Variants in EML5 observed in about 807,000 individuals in gnomAD.
The protein encoded by EML5 is echinoderm microtubule-associated protein-like 5.
EML5 carries 120 observed loss-of-function variants against 250.0 expected under a neutral mutation model. The ratio of observed to expected loss-of-function variants is 0.48; its 90% confidence interval spans 0.41 to 0.56. The LOEUF (loss-of-function observed/expected upper bound fraction) is 0.56. EML5 is among the 20% of genes least tolerant of loss of function. The pLI is 0.00. For missense variants in EML5, 2,006 were observed against 2,437.6 expected (o/e 0.82, Z 3.73); for synonymous variants, 771 against 806.5 (o/e 0.96, Z 0.75).
Position 88,649,926 on chromosome 14 carries a change from C to T in EML5, c.4005G>A (p.Arg1335=). The change falls in exon 28 of 44, where the codon AGG becomes AGA. Residue 1335 remains arginine (R), a splice_region_variant and synonymous_variant. Transcript: ENST00000554922. ...LQQKEPSIDE[R]QGVVRGSRPP... is the part of the protein sequence containing the mutation. ...AAAACACTTACCTTACTACTCCCTG[C>T]CTTCAAAAGGAGCAAGGGGGAAAAA... 1.3e-6 allele frequency: 2 copies of T among 1,482,890 alleles called. No individual in the cohort carries two copies. Among genetic ancestry groups the T allele is most frequent in the Non-Finnish European group, 1.8e-6 (2 of 1,116,240 alleles). The allele number at this position is 1,482,890 out of a possible 1,614,324, so 91.9% of individuals were successfully genotyped here.
chr14:88,647,069 T>C (rs1762084395), intron 28 of EML5, 114 bp from the exon 29 acceptor site: 1 of 913,468 alleles, frequency 1.1e-6, no homozygotes, highest in Non-Finnish European at 1.6e-6. Flanking sequence ...CAGACAGCTA[T>C]ATTGCATAAT....
chr14:88,737,806 C>T (rs984668087), intron 6 of EML5, among the ~76,000 whole-genome samples: 14 of 152,314 alleles, frequency 9.2e-5, no homozygotes, highest in African/African-American at 3.1e-4. Context: ...TGTCTACTTG[C>T]TCAGCCAGTC....
intron 5 of EML5, among the ~76,000 whole-genome samples, chr14:88,739,420 C>T (rs960264452): frequency 1.3e-5 from 2 of 151,856 alleles, no homozygotes; most frequent in African/African-American, 4.8e-5. Context: ...CCAATCCCCC[C>T]CAAAATATCA....
intron 14 of EML5, 90 bp from the exon 15 acceptor site, chr14:88,697,042 C>A: frequency 1.2e-6 from 1 of 824,128 alleles, no homozygotes; most frequent in Non-Finnish European, 1.7e-6. Context: ...ATTTTTACAG[C>A]TTGACTTATT....
intron 6 of EML5, 86 bp downstream of exon 6, chr14:88,738,793 C>T (rs1197073732): frequency 2.4e-5 from 34 of 1,414,578 alleles, no homozygotes; most frequent in Non-Finnish European, 2.9e-5. Context: ...ATTTACAAAA[C>T]TTACATTTAT....
At chr14:88,786,215 T>A (rs924277962) in intron 1 of EML5, among the ~76,000 whole-genome samples, 4 of 152,204 alleles carry the variant, frequency 2.6e-5, no homozygotes, top group Admixed American at 2.0e-4. Flanking sequence ...TAAATACCTA[T>A]CTAAACTCTT....
chr14:88,703,702 T>C (rs2093262635), intron 13 of EML5, among the ~76,000 whole-genome samples: 1 of 152,180 alleles, frequency 6.6e-6, no homozygotes, highest in Non-Finnish European at 1.5e-5. Flanking sequence ...TTGGAAAATC[T>C]GTTTCTGCCA....
rs2087210487 is a variant in EML5 at position 88,613,948 on chromosome 14, G to C, written c.*1870C>G. 1 of 152,178 alleles carries C rather than the reference G, an allele frequency of 6.6e-6. No homozygotes were observed. The highest frequency in any genetic ancestry group is 2.4e-5 in the African/African-American group (1 of 41,444). The allele number at this position is 152,178 out of a possible 1,614,324, so 9.4% of individuals were successfully genotyped here. A position where few individuals can be genotyped will look rare whatever the true frequency, so the allele number is the denominator to read the frequency against. ...GACTACTTAGTCAATATGACCTTTA[G>C]TCGTGAAACTGACAGCAGCAGTGAT... is the stretch of plus-strand genomic sequence containing the variant. On this transcript the variant is annotated 3_prime_UTR_variant, in exon 44 of 44. Coordinates refer to ENST00000554922, the MANE Select transcript of EML5 (RefSeq NM_183387.3).
At chr14:88,699,806 T>C (rs2093166231) in intron 14 of EML5, among the ~76,000 whole-genome samples, 2 of 152,132 alleles carry the variant, frequency 1.3e-5, no homozygotes, top group African/African-American at 4.8e-5. Flanking sequence ...ACCAAGTTAA[T>C]ACACTGCTAT....
At chr14:88,706,202 G>T in intron 11 of EML5, 57 bp downstream of exon 11, 1 of 1,443,728 alleles carries the variant, frequency 6.9e-7, no homozygotes, top group South Asian at 1.5e-5. Context: ...TTGTTATTTG[G>T]GGGTTACTGA....
At chr14:88,785,087 GA>G (rs2094537649) in intron 1 of EML5, among the ~76,000 whole-genome samples, 1 of 152,172 alleles carries the variant, frequency 6.6e-6, no homozygotes, top group Admixed American at 6.5e-5. Context: ...GCCAGGCAAA[GA>G]AAGACAAACA....
At chr14:88,632,306 G>A (rs74075842) in intron 33 of EML5, among the ~76,000 whole-genome samples, 3,148 of 152,064 alleles carry the variant, frequency 0.021, 107 homozygotes, top group African/African-American at 0.069. Context: ...CTACTATAAC[G>A]GCCACCTAAT....
At chr14:88,628,946 GTTAT>G (rs920607850) in intron 33 of EML5, among the ~76,000 whole-genome samples, 4 of 151,770 alleles carry the variant, frequency 2.6e-5, no homozygotes, top group East Asian at 1.9e-4. Flanking sequence ...AATAAAATAG[GTTAT>G]TTATGTTTGT....
At chr14:88,663,401 TTAAAGTGTATCTGTTTAAC>T (rs2140967784) in intron 23 of EML5, among the ~76,000 whole-genome samples, 1 of 152,300 alleles carries the variant, frequency 6.6e-6, no homozygotes, top group African/African-American at 2.4e-5. Context: ...AAAATATTTT[TTAAAGTGTATCTGTTTAAC>T]TATATTTAGA....
At chr14:88,670,504 C>T (rs940132076) in intron 21 of EML5, among the ~76,000 whole-genome samples, 2 of 152,008 alleles carry the variant, frequency 1.3e-5, no homozygotes, top group East Asian at 1.9e-4. Flanking sequence ...GCCAGAGTGC[C>T]TCTTCTCCTC....
In EML5 at chr14:88,792,221, GCGGTCA is replaced by G; in HGVS notation, c.197+80_197+85del. Reference sequence around the variant, plus strand: ...CCTCGGGGTGATGCTCCGTGCAGGAGCGGTCACGGCGTCCAGAGGAACCCGCGGGTG... The same window carrying G: ...CCTCGGGGTGATGCTCCGTGCAGGAGCGGCGTCCAGAGGAACCCGCGGGTG... On this transcript the variant is annotated intron_variant, in intron 1 of 43. Transcript: ENST00000554922. The surrounding 1 kb of genome is among the most constrained non-coding windows in gnomAD (Gnocchi z 6.9). 1 of 1,478,486 alleles carries G rather than the reference GCGGTCA, an allele frequency of 6.8e-7. No individual in the cohort carries two copies. Among genetic ancestry groups the G allele is most frequent in the Non-Finnish European group, 9.1e-7 (1 of 1,099,250 alleles). The allele number at this position is 1,478,486 out of a possible 1,614,324, so 91.6% of individuals were successfully genotyped here. A position where few individuals can be genotyped will look rare whatever the true frequency, so the allele number is the denominator to read the frequency against.
intron 35 of EML5, chr14:88,626,077 A>G (rs1333174322): frequency 6.6e-6 from 1 of 152,192 alleles, no homozygotes; most frequent in Non-Finnish European, 1.5e-5. Context: ...CCCTCGAAGT[A>G]GAGACACTGG....
intron 3 of EML5, among the ~76,000 whole-genome samples, chr14:88,744,905 GAAGA>G (rs1290463284): frequency 3.3e-5 from 5 of 151,942 alleles, no homozygotes; most frequent in African/African-American, 1.2e-4. Flanking sequence ...TAGTGATAAT[GAAGA>G]AAGAATACAT....
intron 2 of EML5, among the ~76,000 whole-genome samples, chr14:88,753,350 A>G (rs1295748413): frequency 6.6e-6 from 1 of 152,220 alleles, no homozygotes; most frequent in Non-Finnish European, 1.5e-5. Context: ...ACATTAACCT[A>G]TGCTACTCAA....
Sources: allele counts gnomAD v4.1 joint callset (sites outside exome capture counted in the v4.1 genomes callset), GRCh38; gene constraint gnomAD v4.1.1; non-coding constraint Gnocchi (gnomAD v3.1); transcripts MANE v1.5; gene names NCBI Gene and HGNC (gene_info 2026-07-23, HGNC 2026-07-21).